Variants in FHOD3 observed in about 807,000 individuals in gnomAD.
FHOD3 encodes the protein FH1/FH2 domain-containing protein 3.
In FHOD3, 90 loss-of-function variants were observed where a neutral mutation model predicts 173.0. The ratio of observed to expected loss-of-function variants is 0.52; its 90% CI spans 0.44 to 0.62. The LOEUF is 0.62. Among genes scored for constraint, FHOD3 ranks in the 20% least tolerant of loss-of-function variants. The pLI is 0.00. For synonymous variants in FHOD3, 828 were observed against 823.0 expected (o/e 1.01, Z -0.10); for missense variants, 1,945 against 2,034.7 (o/e 0.96, Z 0.85).
In FHOD3 at chr18:36,675,225, A is replaced by C. The variant is rs1600192359; in HGVS notation, c.1836-6211A>C. Among the ~76,000 whole-genome samples the C allele has an allele frequency of 2.0e-5, 3 of 151,996 alleles. No individual in the cohort carries two copies. In the South Asian group the frequency reaches 6.2e-4, roughly 32 times the overall value. On this transcript the variant is annotated intron_variant, in intron 14 of 28. Coordinates refer to ENST00000590592, the MANE Select transcript of FHOD3 (RefSeq NM_001281740.3). ...GTAAGCTGGGTGTCCCTGGCCATGC[A>C]AGTTCTTAGCTGTGTCCTCTGATGC...
intron 17 of FHOD3, among the ~76,000 whole-genome samples, chr18:36,706,110 G>A (rs1600332293): frequency 6.6e-6 from 1 of 152,062 alleles, no homozygotes; most frequent in Non-Finnish European, 1.5e-5. Flanking sequence ...CTGAGTATCA[G>A]TAAGAATGCT....
At chr18:36,355,696 G>C in intron 2 of FHOD3, 51 bp downstream of exon 2, 1 of 1,475,232 alleles carries the variant, frequency 6.8e-7, no homozygotes. Flanking sequence ...CCAGGAAATG[G>C]GGGTACATTG....
At chr18:36,720,480 C>T (rs2040702859) in intron 19 of FHOD3, among the ~76,000 whole-genome samples, 1 of 151,960 alleles carries the variant, frequency 6.6e-6, no homozygotes, top group Non-Finnish European at 1.5e-5. Flanking sequence ...TCAGGTGATC[C>T]ACCTGCCTCA....
chr18:36,505,818 T>G (rs2055270027), intron 4 of FHOD3, among the ~76,000 whole-genome samples: 1 of 152,148 alleles, frequency 6.6e-6, no homozygotes, highest in Non-Finnish European at 1.5e-5. Context: ...ATGAGACAGC[T>G]CCTATGGGAA....
chr18:36,657,089 A>G (rs1041601460), intron 13 of FHOD3, among the ~76,000 whole-genome samples: 5 of 152,208 alleles, frequency 3.3e-5, no homozygotes, highest in Non-Finnish European at 7.3e-5. Flanking sequence ...AGGGATTCCA[A>G]TTTCTGTTGA....
intron 1 of FHOD3, among the ~76,000 whole-genome samples, chr18:36,310,354 C>T (rs1443860088): frequency 6.6e-6 from 1 of 152,160 alleles, no homozygotes; most frequent in Non-Finnish European, 1.5e-5. Flanking sequence ...GCATATGACT[C>T]ATGTCAAAGT....
chr18:36,311,838 G>C (rs2092264696), intron 1 of FHOD3, among the ~76,000 whole-genome samples: 1 of 152,222 alleles, frequency 6.6e-6, no homozygotes, highest in African/African-American at 2.4e-5. Flanking sequence ...AGGGGGGACA[G>C]GTGCGCCCCT....
intron 9 of FHOD3, among the ~76,000 whole-genome samples, chr18:36,614,681 A>T (rs1449169552): frequency 6.6e-6 from 1 of 152,062 alleles, no homozygotes; most frequent in East Asian, 1.9e-4. Flanking sequence ...CATTTTTATT[A>T]TAGCCAGCTA....
At chr18:36,575,751 G>GAA (rs2058624988) in intron 5 of FHOD3, among the ~76,000 whole-genome samples, 1 of 152,130 alleles carries the variant, frequency 6.6e-6, no homozygotes, top group African/African-American at 2.4e-5. Context: ...TAATGGAGTT[G>GAA]AAAAACTGAG....
intron 3 of FHOD3, among the ~76,000 whole-genome samples, chr18:36,416,189 C>T (rs1312809169): frequency 4.6e-5 from 7 of 152,210 alleles, no homozygotes; most frequent in Middle Eastern, 6.8e-3. Flanking sequence ...TGCACCATCA[C>T]GCCCAGCTAA....
chr18:36,751,941 G>A (rs1283120808), intron 24 of FHOD3, among the ~76,000 whole-genome samples: 1 of 152,114 alleles, frequency 6.6e-6, no homozygotes, highest in East Asian at 1.9e-4. Flanking sequence ...AGACATATCC[G>A]AGACTGGGTA....
intron 3 of FHOD3, among the ~76,000 whole-genome samples, chr18:36,381,812 G>T (rs2047806548): frequency 2.0e-5 from 3 of 152,228 alleles, no homozygotes; most frequent in African/African-American, 7.2e-5. Flanking sequence ...TCAGGAAGAA[G>T]AATACAAGGC....
chr18:36,636,286 C>T (rs1198258202), intron 10 of FHOD3, among the ~76,000 whole-genome samples: 7 of 152,276 alleles, frequency 4.6e-5, no homozygotes, highest in Admixed American at 3.3e-4. Context: ...CCCAGGATCC[C>T]TTTGGAGATG....
chr18:36,700,279 C>T (rs1458486352), intron 17 of FHOD3, among the ~76,000 whole-genome samples: 1 of 152,138 alleles, frequency 6.6e-6, no homozygotes, highest in Non-Finnish European at 1.5e-5. Flanking sequence ...CTTCCCCAGC[C>T]ATCTCCACTA....
chr18:36,777,072 T>A (rs2043714295), intron 28 of FHOD3, among the ~76,000 whole-genome samples: 1 of 152,192 alleles, frequency 6.6e-6, no homozygotes, highest in African/African-American at 2.4e-5. Flanking sequence ...TCTTCTGTAG[T>A]CATTCAGCCA....
chr18:36,546,131 A>G (rs2057401695), intron 5 of FHOD3, among the ~76,000 whole-genome samples: 1 of 152,228 alleles, frequency 6.6e-6, no homozygotes, highest in Admixed American at 6.5e-5. Context: ...TATGGGAAGA[A>G]GAAATCCCTG....
intron 1 of FHOD3, among the ~76,000 whole-genome samples, chr18:36,304,675 A>G (rs944170289): frequency 1.3e-5 from 2 of 152,158 alleles, no homozygotes; most frequent in African/African-American, 2.4e-5. Context: ...GTGTCTTTCT[A>G]GGCTCAATCA....
chr18:36,690,240 A>C (rs1407665313), intron 16 of FHOD3, among the ~76,000 whole-genome samples: 2 of 152,356 alleles, frequency 1.3e-5, no homozygotes, highest in South Asian at 4.1e-4. Context: ...CATTCAATAA[A>C]TAAATGAAAA....
chr18:36,512,402 C>T, intron 4 of FHOD3, 36 bp from the exon 5 acceptor site: 3 of 1,473,912 alleles, frequency 2.0e-6, no homozygotes, highest in Non-Finnish European at 1.9e-6. Context: ...TGGACAGGGA[C>T]AGTATTTGAA....
Sources: allele counts gnomAD v4.1 joint callset (sites outside exome capture counted in the v4.1 genomes callset), GRCh38; gene constraint gnomAD v4.1.1; transcripts MANE v1.5; gene names NCBI Gene and HGNC (gene_info 2026-07-23, HGNC 2026-07-21).